RBFOX1: variants seen among roughly 807,000 people sequenced by gnomAD.
RBFOX1 encodes the protein RNA binding fox-1 homolog 1, also known as RNA binding protein fox-1 homolog 1.
In RBFOX1, 8 loss-of-function variants were observed where a neutral mutation model predicts 57.7. The observed-to-expected ratio is 0.14, with a 90% CI of 0.08 to 0.25. The LOEUF is 0.25. RBFOX1 is among the 10% of genes least tolerant of loss of function. The pLI is 1.00. For synonymous variants in RBFOX1, 326 were observed against 222.4 expected (o/e 1.47, Z -4.15); for missense variants, 611 against 548.5 (o/e 1.11, Z -1.14).
chr16:7,068,272 G>A (rs1392030927), intron 4 of RBFOX1, among the ~76,000 whole-genome samples: 1 of 152,146 alleles, frequency 6.6e-6, no homozygotes, highest in Admixed American at 6.6e-5. Flanking sequence ...TAGTTATGTA[G>A]TATCCCCACT....
chr16:6,670,857 G>A (rs1318002296), intron 3 of RBFOX1, among the ~76,000 whole-genome samples: 6 of 149,522 alleles, frequency 4.0e-5, no homozygotes, highest in Admixed American at 6.6e-5. Flanking sequence ...AAAATTAGCC[G>A]GGCATGGTGG....
In RBFOX1 at chr16:7,280,789, C is replaced by T. The variant is rs1023668732; in HGVS notation, c.27+228691C>T. Among the ~76,000 whole-genome samples the T allele has an allele frequency of 3.9e-5, 6 of 152,230 alleles. No individual in the cohort carries two copies. The South Asian group carries it at 6.2e-4, about 16-fold the overall frequency. On this transcript the variant is annotated intron_variant, in intron 4 of 15. Transcript: ENST00000550418. ...CTTTCCCCATGAGACACTAGTAACACCCTTTCCTCTGGGAGTCAAAACATT... is the reference window on the plus strand; with the variant it reads ...CTTTCCCCATGAGACACTAGTAACATCCTTTCCTCTGGGAGTCAAAACATT...
intron 5 of RBFOX1, among the ~76,000 whole-genome samples, chr16:7,554,952 A>T (rs2087848674): frequency 6.6e-6 from 1 of 152,226 alleles, no homozygotes; most frequent in African/African-American, 2.4e-5. Flanking sequence ...AGCCAAGTAG[A>T]ACACTAAGGA....
At chr16:6,011,988 C>G (rs1486295937) in intron 4 of RBFOX1, among the ~76,000 whole-genome samples, 1 of 152,196 alleles carries the variant, frequency 6.6e-6, no homozygotes, top group Non-Finnish European at 1.5e-5. Flanking sequence ...TTCACGATGA[C>G]CCTGTTGTAT....
chr16:7,224,291 C>G lies in RBFOX1; in HGVS notation c.27+172193C>G, dbSNP rs186443789. Reference sequence around the variant, plus strand: ...GCCAGCAGTTATGGACAGTGTTTCTCTAAATGTTAGTAATAAAGTGTAGCA... The same window carrying G: ...GCCAGCAGTTATGGACAGTGTTTCTGTAAATGTTAGTAATAAAGTGTAGCA... On this transcript the variant is annotated intron_variant, in intron 4 of 15. Coordinates refer to ENST00000550418, the MANE Select transcript of RBFOX1 (RefSeq NM_018723.4). Among the ~76,000 whole-genome samples, 179 of 152,218 alleles carry G rather than the reference C, an allele frequency of 1.2e-3. 2 individuals carry two copies. Among genetic ancestry groups the G allele is most frequent in the Middle Eastern group, 6.8e-3 (2 of 294 alleles).
chr16:6,806,198 A>T (rs2086724724), intron 3 of RBFOX1, among the ~76,000 whole-genome samples: 1 of 152,220 alleles, frequency 6.6e-6, no homozygotes, highest in Admixed American at 6.5e-5. Flanking sequence ...GAGAAAAATT[A>T]GCAAATTAAT....
At chr16:7,052,699 G>A (rs572626521) in intron 4 of RBFOX1, among the ~76,000 whole-genome samples, 1 of 152,314 alleles carries the variant, frequency 6.6e-6, no homozygotes, top group South Asian at 2.1e-4. Context: ...TGCAGGGAGT[G>A]TTTGGTTATA....
chr16:5,470,345 TC>T (rs2069093235), intron 2 of RBFOX1, among the ~76,000 whole-genome samples: 1 of 152,188 alleles, frequency 6.6e-6, no homozygotes, highest in Admixed American at 6.5e-5. Context: ...CTATTCCTGG[TC>T]CCTGGTATAC....
intron 2 of RBFOX1, among the ~76,000 whole-genome samples, chr16:6,344,142 C>G (rs1234471879): frequency 6.6e-6 from 1 of 152,128 alleles, no homozygotes; most frequent in Non-Finnish European, 1.5e-5. Flanking sequence ...CTTATGCAAC[C>G]TCCACCTCCC....
intron 2 of RBFOX1, among the ~76,000 whole-genome samples, chr16:5,582,597 T>A (rs563616727): frequency 4.8e-4 from 67 of 140,592 alleles, no homozygotes; most frequent in Middle Eastern, 4.0e-3. Context: ...TTGCCCAGGC[T>A]GGAATGCCAA....
rs2050284828 is a variant in RBFOX1 at position 7,052,102 on chromosome 16, G to C, written c.27+4G>C. On this transcript the variant is annotated splice_donor_region_variant and intron_variant, in intron 4 of 15. Coordinates refer to ENST00000550418, the MANE Select transcript of RBFOX1 (RefSeq NM_018723.4). Reference sequence around the variant, plus strand: ...TTGTGAAAGAGAGCAGCTAAGGGTAGGTGCACCTGCTTGTAAAATGCTTCC... The same window carrying C: ...TTGTGAAAGAGAGCAGCTAAGGGTACGTGCACCTGCTTGTAAAATGCTTCC... 3.1e-6 allele frequency: 5 copies of C among 1,592,830 alleles called. No homozygotes were observed. Among genetic ancestry groups the C allele is most frequent in the African/African-American group, 2.7e-5 (2 of 73,448 alleles).
chr16:5,303,456 A>G lies in RBFOX1; in HGVS notation c.219+63351A>G, dbSNP rs1035624769. Among the ~76,000 whole-genome samples, 8 of 152,004 alleles carry G rather than the reference A, an allele frequency of 5.3e-5. No homozygotes were observed. The East Asian group carries it at 9.6e-4, about 18-fold the overall frequency. ...GGCTACCAGACTTCTGTTTGCTGTC[A>G]CCTCTCTTTCCATCACAGCTGCTTC... On this transcript the variant is annotated intron_variant, in intron 1 of 2. Coordinates refer to the RBFOX1 transcript ENST00000585867.
chr16:5,280,545 G>C (rs2063246232), intron 1 of RBFOX1, among the ~76,000 whole-genome samples: 1 of 152,152 alleles, frequency 6.6e-6, no homozygotes, highest in Non-Finnish European at 1.5e-5. Context: ...GTAGACATCA[G>C]CATAAAAGCT....
chr16:7,490,638 A>T (rs2066679158), intron 4 of RBFOX1, among the ~76,000 whole-genome samples: 2 of 152,234 alleles, frequency 1.3e-5, no homozygotes, highest in Non-Finnish European at 2.9e-5. Flanking sequence ...GGAAGGAACC[A>T]TGAGGAAGAA....
chr16:6,426,066 C>G (rs1052905815), intron 2 of RBFOX1, among the ~76,000 whole-genome samples: 4 of 148,678 alleles, frequency 2.7e-5, no homozygotes, highest in Admixed American at 1.3e-4. Context: ...GTTTCTCTGT[C>G]TCTCTGTCTC....
At chr16:6,485,473 C>A (rs1054612710) in intron 2 of RBFOX1, among the ~76,000 whole-genome samples, 1 of 152,070 alleles carries the variant, frequency 6.6e-6, no homozygotes, top group African/African-American at 2.4e-5. Flanking sequence ...TGCACAGAAA[C>A]CTTTTAGGTA....
At chr16:6,211,228 C>CTTTT (rs990122299) in intron 1 of RBFOX1, among the ~76,000 whole-genome samples, 2 of 96,846 alleles carry the variant, frequency 2.1e-5, no homozygotes, top group African/African-American at 3.6e-5. Context: ...ATCTAGTTAA[C>CTTTT]TTTTTTTTTT....
chr16:6,497,853 G>A (rs191506409), intron 2 of RBFOX1, among the ~76,000 whole-genome samples: 79 of 152,012 alleles, frequency 5.2e-4, no homozygotes, highest in Non-Finnish European at 8.2e-4. Flanking sequence ...CACCACTCCC[G>A]GCCCTATTTT....
chr16:6,503,822 G>A (rs538427881), intron 2 of RBFOX1, among the ~76,000 whole-genome samples: 70 of 152,282 alleles, frequency 4.6e-4, no homozygotes, highest in African/African-American at 1.5e-3. Flanking sequence ...ATATGCAAAT[G>A]GGGATGGGAT....
Sources: allele counts gnomAD v4.1 joint callset (sites outside exome capture counted in the v4.1 genomes callset), GRCh38; gene constraint gnomAD v4.1.1; transcripts MANE v1.5; gene names NCBI Gene and HGNC (gene_info 2026-07-23, HGNC 2026-07-21).